Variants in ATF2 observed in about 807,000 individuals in gnomAD.
ATF2 encodes cyclic AMP-dependent transcription factor ATF-2.
A neutral mutation model predicts 60.6 loss-of-function variants in ATF2; 24 were observed. The observed-to-expected ratio is 0.40, with a 90% CI of 0.29 to 0.56. The LOEUF (loss-of-function observed/expected upper bound fraction) is 0.56. Ranked by LOEUF, ATF2 falls within the 20% of genes least tolerant of loss-of-function variation. The probability of loss-of-function intolerance (pLI) is 0.54; values close to 1 mark genes in which losing one functional copy is unlikely to be tolerated. For synonymous variants in ATF2, 206 were observed against 215.4 expected (o/e 0.96, Z 0.38); for missense variants, 433 against 607.7 (o/e 0.71, Z 3.02).
At chr2:175,138,968 G>A (rs889104595) in intron 2 of ATF2, among the ~76,000 whole-genome samples, 3 of 152,166 alleles carry the variant, frequency 2.0e-5, no homozygotes, top group Admixed American at 6.5e-5. Context: ...ATACAATATT[G>A]TGCAAGGTTC....
intron 4 of ATF2, among the ~76,000 whole-genome samples, chr2:175,123,930 T>C (rs976041249): frequency 1.3e-5 from 2 of 152,036 alleles, no homozygotes; most frequent in Admixed American, 6.6e-5. Flanking sequence ...TTATTATTTT[T>C]AACAAGAAAC....
chr2:175,103,700 C>A (rs181527762), intron 10 of ATF2, among the ~76,000 whole-genome samples: 196 of 150,256 alleles, frequency 1.3e-3, no homozygotes, highest in African/African-American at 4.4e-3. Context: ...AAAAAAGATT[C>A]TGGAGGATAC....
At chr2:175,117,586 T>C (rs971131427) in intron 7 of ATF2, among the ~76,000 whole-genome samples, 2 of 151,932 alleles carry the variant, frequency 1.3e-5, no homozygotes, top group Admixed American at 6.6e-5. Flanking sequence ...CTAACAAAGA[T>C]CCACTGCTGA....
intron 4 of ATF2, among the ~76,000 whole-genome samples, chr2:175,124,585 C>T (rs1422956334): frequency 2.6e-5 from 4 of 151,812 alleles, no homozygotes; most frequent in Admixed American, 2.6e-4. Context: ...GGGCCAATAG[C>T]TCATTTCACT....
At chr2:175,074,888 C>A in intron 13 of ATF2, 53 bp from the exon 14 acceptor site, 1 of 1,601,348 alleles carries the variant, frequency 6.2e-7, no homozygotes, top group Non-Finnish European at 8.5e-7. Flanking sequence ...TAAGAATGCA[C>A]CAGTATGCTG....
chr2:175,079,378 G>T (rs1693603656), intron 13 of ATF2, among the ~76,000 whole-genome samples: 1 of 152,036 alleles, frequency 6.6e-6, no homozygotes, highest in Non-Finnish European at 1.5e-5. Context: ...CATAAATGCT[G>T]AACTAGTAGC....
intron 10 of ATF2, among the ~76,000 whole-genome samples, chr2:175,110,905 C>A (rs1363459991): frequency 2.0e-5 from 3 of 152,102 alleles, no homozygotes; most frequent in Non-Finnish European, 4.4e-5. Flanking sequence ...CTGCGCCCGG[C>A]CCTGATTTTC....
chr2:175,108,438 C>T (rs1695891349), intron 10 of ATF2, among the ~76,000 whole-genome samples: 1 of 150,712 alleles, frequency 6.6e-6, no homozygotes. Context: ...CCCGCCCGGC[C>T]AGCAGCCCCG....
chr2:175,140,180 T>C (rs939821782), intron 2 of ATF2, among the ~76,000 whole-genome samples: 3 of 152,044 alleles, frequency 2.0e-5, no homozygotes, highest in African/African-American at 7.2e-5. Context: ...GCCTTGTGGG[T>C]TTAAAAAAAA....
chr2:175,096,535 A>T (rs1239541077), intron 11 of ATF2, among the ~76,000 whole-genome samples: 1 of 152,226 alleles, frequency 6.6e-6, no homozygotes, highest in Non-Finnish European at 1.5e-5. Context: ...TTTTACAATG[A>T]GTGAGCAAAT....
At chr2:175,142,582 T>C (rs1410044791) in intron 2 of ATF2, among the ~76,000 whole-genome samples, 1 of 152,236 alleles carries the variant, frequency 6.6e-6, no homozygotes, top group Non-Finnish European at 1.5e-5. Context: ...GTTTAAATTC[T>C]ACTTTCAATT....
rs1693099166 is a variant in ATF2, at chr2:175,073,792, G to A, written c.*817C>T. ...ACAACAACAAAAAAACCAAAAACAA[G>A]AGCTAATTTCAAAAATTATTAGATA... On this transcript the variant is annotated 3_prime_UTR_variant, in exon 14 of 14. Coordinates refer to ENST00000264110, the MANE Select transcript of ATF2 (RefSeq NM_001880.4). 1 of 151,806 alleles carries A rather than the reference G, an allele frequency of 6.6e-6. No individual in the cohort carries two copies. The highest frequency in any genetic ancestry group is 1.5e-5 in the Non-Finnish European group (1 of 67,964). 9.4% of individuals were successfully genotyped at this position (151,806 alleles called of 1,614,324 possible).
intron 2 of ATF2, among the ~76,000 whole-genome samples, chr2:175,140,966 C>T (rs1469379581): frequency 7.9e-6 from 1 of 127,246 alleles, no homozygotes; most frequent in Non-Finnish European, 1.6e-5. Flanking sequence ...CAATACACTC[C>T]AGCCTGGGGG....
intron 2 of ATF2, chr2:175,147,940 A>C (rs1212760806): frequency 6.6e-6 from 1 of 152,196 alleles, no homozygotes; most frequent in Non-Finnish European, 1.5e-5. Context: ...TAGGGGAGAT[A>C]CTGACCGAGT....
chr2:175,075,613 T>C (rs1214036453), intron 13 of ATF2, among the ~76,000 whole-genome samples: 1 of 152,098 alleles, frequency 6.6e-6, no homozygotes, highest in Admixed American at 6.6e-5. Flanking sequence ...TTAGTAAAAA[T>C]TTGATATAGA....
At chr2:175,140,745 T>C (rs771981524) in intron 2 of ATF2, among the ~76,000 whole-genome samples, 85 of 150,894 alleles carry the variant, frequency 5.6e-4, no homozygotes, top group Non-Finnish European at 1.1e-3. Flanking sequence ...TGATAGCACT[T>C]TGGGGTGCCG....
intron 12 of ATF2, among the ~76,000 whole-genome samples, chr2:175,086,113 A>C (rs1175544831): frequency 6.6e-6 from 1 of 152,222 alleles, no homozygotes; most frequent in Non-Finnish European, 1.5e-5. Flanking sequence ...TGCACAATAC[A>C]AATTCAGTCC....
In ATF2 at chr2:175,114,032, T is replaced by C. The variant is rs773250879; in HGVS notation, c.703A>G (p.Ile235Val). ...GGAACATGCACATTAGAACTTGTAA[T>C]TGATGCAGGAATAGCAACAGGCATG... Reference protein sequence around the residue: ...QTMPVAIPASITSSNVHVPAA... With the variant: ...QTMPVAIPASVTSSNVHVPAA... Residue 235 changes from isoleucine (I) to valine (V), a missense_variant, in exon 9 of 14, where the codon ATT becomes GTT. By Grantham distance (29) the Ile-to-Val change is conservative. Coordinates refer to ENST00000264110, the MANE Select transcript of ATF2 (RefSeq NM_001880.4). 2 of 1,612,674 alleles carry C rather than the reference T, an allele frequency of 1.2e-6. No homozygotes were observed. Among genetic ancestry groups the C allele is most frequent in the Non-Finnish European group, 1.7e-6 (2 of 1,179,582 alleles).
chr2:175,146,245 G>C (rs1049618155), intron 2 of ATF2, among the ~76,000 whole-genome samples: 2 of 152,098 alleles, frequency 1.3e-5, no homozygotes, highest in African/African-American at 4.8e-5. Context: ...TATAGTCAAG[G>C]AAACATTAAG....
Sources: allele counts gnomAD v4.1 joint callset (sites outside exome capture counted in the v4.1 genomes callset), GRCh38; gene constraint gnomAD v4.1.1; transcripts MANE v1.5; gene names NCBI Gene and HGNC (gene_info 2026-07-23, HGNC 2026-07-21).